ASNS: variants seen among roughly 807,000 people sequenced by gnomAD.
ASNS encodes asparagine synthetase (glutamine-hydrolyzing), also known as asparagine synthetase [glutamine-hydrolyzing].
ASNS carries 37 observed loss-of-function variants against 62.6 expected under a neutral mutation model. The ratio of observed to expected loss-of-function variants is 0.59; its 90% CI spans 0.45 to 0.78. The LOEUF is 0.78. ASNS is among the 30% of genes least tolerant of loss of function. The pLI, the probability that ASNS is intolerant of heterozygous loss-of-function variation, is 0.00. For missense variants in ASNS, 520 were observed against 682.4 expected (o/e 0.76, Z 2.65); for synonymous variants, 207 against 237.9 (o/e 0.87, Z 1.19).
At chr7:97,908,450 G>A in the ASNS span, 3 of 151,514 alleles carry the variant, frequency 2.0e-5, no homozygotes, top group Non-Finnish European at 4.4e-5. Flanking sequence ...CACCCACATT[G>A]GAGTGCAGTG....
chr7:97,920,634 G>A, the ASNS span, among the ~76,000 whole-genome samples: 3 of 152,232 alleles, frequency 2.0e-5, no homozygotes, highest in African/African-American at 7.2e-5. Flanking sequence ...GCTCTCAGAG[G>A]CCCTGGGGAT....
In ASNS at chr7:97,851,834, G is replaced by A. The variant is rs1394571000; in HGVS notation, c.*425C>T. 3 of 179,796 alleles carry A rather than the reference G, an allele frequency of 1.7e-5. No individual in the cohort carries two copies. Among genetic ancestry groups the A allele is most frequent in the Non-Finnish European group, 3.5e-5 (3 of 84,816 alleles). The allele number at this position is 179,796 out of a possible 1,614,324, so 11.1% of individuals were successfully genotyped here. A position where few individuals can be genotyped will look rare whatever the true frequency, so the allele number is the denominator to read the frequency against. ...AATAGAGCTGTGATGAACTCCTATAGAAGATTCAAGTCTGAGTCTGCCTAG... is the reference window on the plus strand; with the variant it reads ...AATAGAGCTGTGATGAACTCCTATAAAAGATTCAAGTCTGAGTCTGCCTAG... On this transcript the variant is annotated 3_prime_UTR_variant, in exon 13 of 13. Coordinates refer to ENST00000394308, the MANE Select transcript of ASNS (RefSeq NM_001673.5).
At chr7:97,853,519 TC>T in intron 10 of ASNS, 133 bp from the exon 11 acceptor site, 1 of 668,316 alleles carries the variant, frequency 1.5e-6, no homozygotes, top group Middle Eastern at 4.1e-4. Context: ...CATACAAGCC[TC>T]CTAATGACTG....
chr7:97,864,375 A>G lies in ASNS; in HGVS notation c.371T>C (p.Val124Ala). ...TTTCTTATTGGCAGTATCCAGTAAA[A>G]CAAATGCAAACACACCATCCAACAT... Reference protein sequence around the residue: ...ICMLDGVFAFVLLDTANKKVF... With the variant: ...ICMLDGVFAFALLDTANKKVF... The change falls in exon 4 of 13, where the codon GTT becomes GCT. Residue 124 changes from valine (V) to alanine (A), a missense_variant. Coordinates refer to ENST00000394308, the MANE Select transcript of ASNS (RefSeq NM_001673.5). 2 of 1,613,964 alleles carry G rather than the reference A, an allele frequency of 1.2e-6. No individual in the cohort carries two copies. Among genetic ancestry groups the G allele is most frequent in the Non-Finnish European group, 1.7e-6 (2 of 1,179,926 alleles).
At position 97,868,979 on chromosome 7, in the gene ASNS, G is replaced by T; in HGVS notation, c.178C>A (p.Gln60Lys). Reference protein sequence around the residue: ...LAVVDPLFGMQPIRVKKYPYL... With the variant: ...LAVVDPLFGMKPIRVKKYPYL... ...GGATATTTCTTCACTCGAATTGGCT[G>T]CATTCCAAACAGCGGGTCAACTACC... The change falls in exon 3 of 13, where the codon CAG becomes AAG. Residue 60 changes from glutamine to lysine, a missense_variant. Physicochemically the swap from Gln to Lys is moderately conservative, Grantham distance 53. Transcript: ENST00000394308. The T allele has an allele frequency of 6.2e-7, 1 of 1,614,214 alleles. No individual in the cohort carries two copies. The highest frequency in any genetic ancestry group is 1.1e-5 in the South Asian group (1 of 91,080).
the ASNS span, among the ~76,000 whole-genome samples, chr7:97,877,734 C>G: frequency 6.6e-6 from 1 of 152,246 alleles, no homozygotes. Flanking sequence ...TCTGAAACTT[C>G]ACCTTTAAAA....
chr7:97,927,640 T>C, the ASNS span, among the ~76,000 whole-genome samples: 1 of 152,248 alleles, frequency 6.6e-6, no homozygotes, highest in South Asian at 2.1e-4. Flanking sequence ...CTTCACGCAA[T>C]AAAGTTTCCT....
chr7:97,893,511 T>C, the ASNS span, among the ~76,000 whole-genome samples: 1 of 152,120 alleles, frequency 6.6e-6, no homozygotes, highest in Non-Finnish European at 1.5e-5. Context: ...ACACACAGAC[T>C]GAAAGTGAAG....
the ASNS span, among the ~76,000 whole-genome samples, chr7:97,921,456 G>A: frequency 0.077 from 11,715 of 152,194 alleles, 925 homozygotes; most frequent in African/African-American, 0.2. Flanking sequence ...TTATTTGTGT[G>A]AACAGGCAGG....
the ASNS span, among the ~76,000 whole-genome samples, chr7:97,889,990 C>T: frequency 7.8e-6 from 1 of 128,036 alleles, no homozygotes; most frequent in South Asian, 2.6e-4. Context: ...ACGACAAATT[C>T]AACAGAGATA....
chr7:97,878,181 C>A, the ASNS span, among the ~76,000 whole-genome samples: 1 of 152,172 alleles, frequency 6.6e-6, no homozygotes, highest in South Asian at 2.1e-4. Flanking sequence ...GTCAAGAGAT[C>A]GAGACTATCC....
chr7:97,909,724 C>A, the ASNS span, among the ~76,000 whole-genome samples: 4 of 152,150 alleles, frequency 2.6e-5, no homozygotes, highest in African/African-American at 9.7e-5. Flanking sequence ...GAGGGTGACA[C>A]AGAAACATTT....
the ASNS span, among the ~76,000 whole-genome samples, chr7:97,904,284 T>TCTCACACACA: frequency 1.5e-5 from 2 of 135,132 alleles, no homozygotes; most frequent in African/African-American, 5.6e-5. Context: ...ACTACCAGTT[T>TCTCACACACA]CACACACACA....
the ASNS span, among the ~76,000 whole-genome samples, chr7:97,898,065 C>T: frequency 6.6e-6 from 1 of 152,240 alleles, no homozygotes; most frequent in South Asian, 2.1e-4. Context: ...GTAGCTGAGA[C>T]TACAGGCGCA....
chr7:97,855,870 T>C (rs572798037), intron 8 of ASNS, among the ~76,000 whole-genome samples: 9 of 152,248 alleles, frequency 5.9e-5, no homozygotes, highest in Admixed American at 2.0e-4. Context: ...CCCCTGCCAC[T>C]CCCCATTTAC....
the ASNS span, among the ~76,000 whole-genome samples, chr7:97,888,999 G>A: frequency 6.6e-6 from 1 of 152,262 alleles, no homozygotes; most frequent in South Asian, 2.1e-4. Flanking sequence ...GGAGCCCAGT[G>A]GTGCACCTGC....
At chr7:97,867,108 C>T (rs950346819) in intron 3 of ASNS, among the ~76,000 whole-genome samples, 1 of 131,904 alleles carries the variant, frequency 7.6e-6, no homozygotes, top group African/African-American at 2.5e-5. Flanking sequence ...AATAAAAGCC[C>T]TCAAATCTTG....
intron 9 of ASNS, 46 bp from the exon 10 acceptor site, chr7:97,854,726 A>G (rs1468853087): frequency 1.2e-6 from 2 of 1,612,748 alleles, no homozygotes; most frequent in African/African-American, 1.3e-5. Context: ...TTGGCACACA[A>G]AGCAGTTTTT....
At chr7:97,863,248 C>T (rs996545456) in intron 4 of ASNS, 10 of 152,070 alleles carry the variant, frequency 6.6e-5, no homozygotes, top group Admixed American at 2.0e-4. Flanking sequence ...AACTGACAAG[C>T]GAATAAACAA....
Sources: allele counts gnomAD v4.1 joint callset (sites outside exome capture counted in the v4.1 genomes callset), GRCh38; gene constraint gnomAD v4.1.1; transcripts MANE v1.5; gene names NCBI Gene and HGNC (gene_info 2026-07-23, HGNC 2026-07-21).